The following RNF213 variants were observed in gnomAD, a reference collection of about 807,000 sequenced individuals.
The protein encoded by RNF213 is E3 ubiquitin-protein ligase RNF213.
In RNF213, 341 loss-of-function variants were observed where a neutral mutation model predicts 514.4. The ratio of observed to expected loss-of-function variants is 0.66; its 90% CI spans 0.61 to 0.73. RNF213 has a LOEUF of 0.73. Ranked by LOEUF, RNF213 falls within the 30% of genes least tolerant of loss-of-function variation. RNF213 has a pLI of 0.00. For synonymous variants in RNF213, 2,655 were observed against 2,658.2 expected (o/e 1.00, Z 0.04); for missense variants, 5,767 against 6,615.6 (o/e 0.87, Z 4.45).
Position 80,381,662 on chromosome 17 carries a change from C to T in RNF213, c.13913C>T (p.Thr4638Ile), listed in dbSNP as rs141301945. Residue 4638 changes from threonine to isoleucine, a missense_variant, in exon 57 of 68, where the codon ACC (threonine) becomes ATC (isoleucine). Thr to Ile is a moderately conservative substitution (Grantham distance 89). Transcript: ENST00000582970. ...AKMLGHSADE[T>I]IGVVHLVLRR... is the part of the protein sequence containing the mutation. ...ATGCTGGGACACAGTGCCGACGAGA[C>T]CATCGGCGTGGTCCACCTCGTCCTG... 7.8e-4 allele frequency: 1,257 copies of T among 1,614,206 alleles called. 3 individuals are homozygous for T. Among genetic ancestry groups the T allele is most frequent in the Middle Eastern group, 2.3e-3 (14 of 6,062 alleles).
intron 46 of RNF213, 179 bp from the exon 47 acceptor site, chr17:80,371,695 T>G (rs1170823237): frequency 1.9e-6 from 1 of 536,090 alleles, no homozygotes; most frequent in South Asian, 2.3e-5. Context: ...GTGAGTTTTA[T>G]ATTCCTCCAG....
At chr17:80,274,200 C>G (rs1191357145) in intron 3 of RNF213, among the ~76,000 whole-genome samples, 2 of 151,964 alleles carry the variant, frequency 1.3e-5, no homozygotes, top group African/African-American at 4.8e-5. Context: ...TGGAAATGTG[C>G]TGGCTGGCAG....
intron 25 of RNF213, 62 bp downstream of exon 25, chr17:80,338,059 G>A: frequency 6.6e-7 from 1 of 1,519,764 alleles, no homozygotes; most frequent in Non-Finnish European, 8.8e-7. Flanking sequence ...TGAGGGCTGT[G>A]TACTCCCAAG....
rs1568033908 is a variant in RNF213, at chr17:80,300,989, G to T, written c.2210+2471G>T. Among the ~76,000 whole-genome samples, 4 of 151,182 alleles carry T rather than the reference G, an allele frequency of 2.6e-5. No homozygotes were observed. In the South Asian group the frequency reaches 6.3e-4, roughly 24 times the overall value. On this transcript the variant is annotated intron_variant, in intron 11 of 67. Transcript: ENST00000582970. ...TGCCCACTTTTTAATGAGGTTGCTT[G>T]TTTTTTTTTCTTGTAAATTTGTGTA...
chr17:80,325,803 C>G (rs1395080057), intron 18 of RNF213, among the ~76,000 whole-genome samples: 1 of 152,064 alleles, frequency 6.6e-6, no homozygotes, highest in Non-Finnish European at 1.5e-5. Flanking sequence ...TGAGAAGGCG[C>G]TGGATGTGGA....
intron 25 of RNF213, among the ~76,000 whole-genome samples, chr17:80,338,625 A>G (rs1022032752): frequency 1.2e-4 from 16 of 138,790 alleles, no homozygotes; most frequent in African/African-American, 4.2e-4. Flanking sequence ...CTCAAAAAGT[A>G]TAAGGTTTTT....
intron 36 of RNF213, among the ~76,000 whole-genome samples, chr17:80,356,687 C>T (rs2078837467): frequency 6.6e-6 from 1 of 152,272 alleles, no homozygotes; most frequent in Admixed American, 6.5e-5. Flanking sequence ...CGGCTCCCGC[C>T]TCTCCCAGCG....
intron 8 of RNF213, 145 bp from the exon 9 acceptor site, chr17:80,294,575 T>G: frequency 1.0e-6 from 1 of 973,792 alleles, no homozygotes; most frequent in Non-Finnish European, 1.6e-6. Flanking sequence ...CGTCAGTGTG[T>G]GGGTTTTTGC....
In RNF213 at chr17:80,319,528, C is replaced by CA. The variant is rs2084649584; in HGVS notation, c.3024+217dup. On this transcript the variant is annotated intron_variant, in intron 17 of 67. Coordinates refer to ENST00000582970, the MANE Select transcript of RNF213 (RefSeq NM_001256071.3). ...GCTGCACAGTCCCTGCTGCTCGCAC[C>CA]ATCCTGCATGTGTTCCATATGGAAT... The CA allele has an allele frequency of 3.1e-6, 5 of 1,612,738 alleles. No individual in the cohort carries two copies. In the African/African-American group the frequency reaches 4.0e-5, roughly 13 times the overall value.
At chr17:80,388,561 A>G in intron 63 of RNF213, 51 bp from the exon 64 acceptor site, 1 of 1,208,506 alleles carries the variant, frequency 8.3e-7, no homozygotes, top group Non-Finnish European at 1.2e-6. Context: ...ATCTGCTGGA[A>G]ATGTCCACGA....
rs754833690 is a variant in RNF213 at position 80,388,649 on chromosome 17, A to G, written c.14960A>G (p.Tyr4987Cys). The G allele has an allele frequency of 2.5e-6, 4 of 1,613,062 alleles. No homozygotes were observed. In the African/African-American group the frequency reaches 4.0e-5, roughly 16 times the overall value. ...CTGGTGTACAGACACGACTGGAACT[A>G]TGAACATCTCTTTATGGACATCAAG... ...PTLVYRHDWN[Y>C]EHLFMDIKNK... Residue 4987 changes from tyrosine to cysteine, a missense_variant, in exon 64 of 68, where the codon TAT becomes TGT. Coordinates refer to ENST00000582970, the MANE Select transcript of RNF213 (RefSeq NM_001256071.3).
chr17:80,276,212 T>G (rs562614707), intron 3 of RNF213, among the ~76,000 whole-genome samples: 1 of 152,094 alleles, frequency 6.6e-6, no homozygotes, highest in South Asian at 2.1e-4. Context: ...GCGATTCTCC[T>G]GCCTCAGCCT....
chr17:80,372,501 TCTTGTTC>T lies in RNF213; in HGVS notation c.12538-10_12538-4del, dbSNP rs779754118. The T allele has an allele frequency of 3.7e-5, 59 of 1,584,630 alleles. No individual in the cohort carries two copies. Among genetic ancestry groups the T allele is most frequent in the Admixed American group, 3.4e-5 (2 of 59,266 alleles). On this transcript the variant is annotated splice_polypyrimidine_tract_variant and intron_variant, in intron 47 of 67. Transcript: ENST00000582970. ...TTTAAAAAAATAATATCCTTTTCTT[TCTTGTTC>T]CTTGTTCCTCAGGATTCAATACTTG...
intron 57 of RNF213, chr17:80,382,757 T>G: frequency 2.1e-6 from 1 of 470,784 alleles, no homozygotes; most frequent in South Asian, 2.1e-5. Context: ...AAGATTACAA[T>G]TATGTAGGAT....
chr17:80,332,100 C>T lies in RNF213; in HGVS notation c.3612C>T (p.Asn1204=). ...CAGTGAGACTGTCCACCTCCTCGAACTCGCAGAGGGCAACGCATTACCACC... is the reference window on the plus strand; with the variant it reads ...CAGTGAGACTGTCCACCTCCTCGAATTCGCAGAGGGCAACGCATTACCACC... ...TVTVRLSTSS[N]SQRATHYHLS... Residue 1204 remains asparagine (N), a synonymous_variant, in exon 21 of 68, where the codon AAC becomes AAT. Coordinates refer to ENST00000582970, the MANE Select transcript of RNF213 (RefSeq NM_001256071.3). The T allele has an allele frequency of 2.0e-6, 3 of 1,537,178 alleles. No individual in the cohort carries two copies. The highest frequency in any genetic ancestry group is 2.6e-6 in the Non-Finnish European group (3 of 1,146,908).
At chr17:80,310,023 G>C (rs1019990987) in intron 14 of RNF213, among the ~76,000 whole-genome samples, 22 of 152,074 alleles carry the variant, frequency 1.4e-4, no homozygotes, top group African/African-American at 5.3e-4. Flanking sequence ...AAAGTGCTGG[G>C]ATTACAGGCT....
chr17:80,382,465 G>A (rs1445641798), intron 57 of RNF213: 1 of 159,998 alleles, frequency 6.3e-6, no homozygotes. Flanking sequence ...GTACTTCTTT[G>A]CCTGAAACTG....
Position 80,348,094 on chromosome 17 carries a change from G to T in RNF213, c.9759G>T (p.Glu3253Asp). The change falls in exon 29 of 68, where the codon GAG becomes GAT. Residue 3253 changes from glutamate to aspartate, a missense_variant. Glu to Asp is a conservative substitution (Grantham distance 45, BLOSUM62 2). This residue lies in a region of RNF213 where 919 missense variants were observed against 1,121.0 expected (regional missense o/e 0.82). Coordinates refer to ENST00000582970, the MANE Select transcript of RNF213 (RefSeq NM_001256071.3). ...AACTTCACCAGAAGGTGTCTGAGGA[G>T]GCCAAATCGATCCTGCTGAACTGCG... ...TEELHQKVSEEAKSILLNCAT... is the reference protein window; with the variant it reads ...TEELHQKVSEDAKSILLNCAT... The T allele has an allele frequency of 6.2e-7, 1 of 1,614,170 alleles. No homozygotes were observed.
In RNF213 at chr17:80,377,658, C is replaced by T; in HGVS notation, c.13511-104C>T. 8.1e-7 allele frequency: 1 copy of T among 1,236,274 alleles called. No homozygotes were observed. Among genetic ancestry groups the T allele is most frequent in the East Asian group, 2.3e-5 (1 of 43,190 alleles). The allele number at this position is 1,236,274 out of a possible 1,614,324, so 76.6% of individuals were successfully genotyped here. A position where few individuals can be genotyped will look rare whatever the true frequency, so the allele number is the denominator to read the frequency against. On this transcript the variant is annotated intron_variant, in intron 53 of 67. Coordinates refer to ENST00000582970, the MANE Select transcript of RNF213 (RefSeq NM_001256071.3). The surrounding 1 kb of genome is among the most constrained non-coding windows in gnomAD (Gnocchi z 4.1). The stretch of plus-strand genomic sequence containing the variant: ...GTGGGATGCTCTGGACAGTCATTCT[C>T]ATATTGTGGTCAGGGCCAGAGAGTA...
Sources: gnomAD v4.1 joint callset for allele counts (sites outside exome capture counted in the v4.1 genomes callset) on GRCh38, gnomAD v4.1.1 for gene constraint, gnomAD v4.1.1 regional missense constraint, Gnocchi (gnomAD v3.1) non-coding constraint, MANE v1.5 for transcripts, NCBI Gene and HGNC (gene_info 2026-07-23, HGNC 2026-07-21) for gene names.